ADAM12: variants seen among roughly 807,000 people sequenced by gnomAD.
ADAM12 encodes ADAM metallopeptidase domain 12, also known as disintegrin and metalloproteinase domain-containing protein 12.
Under a neutral mutation model 106.4 loss-of-function variants are expected in ADAM12, and 70 were observed. The observed-to-expected ratio is 0.66, with a 90% confidence interval of 0.54 to 0.80. The LOEUF (loss-of-function observed/expected upper bound fraction) is 0.80. ADAM12 is among the 30% of genes least tolerant of loss of function. The pLI is 0.00. For missense variants in ADAM12, 1,010 were observed against 1,171.9 expected (o/e 0.86, Z 2.02); for synonymous variants, 420 against 433.5 (o/e 0.97, Z 0.39).
In ADAM12 at chr10:126,049,988, G is replaced by GTGGCTGGC. The variant is rs60411537; in HGVS notation, c.1610-327_1610-320dup. ...AGATCTGATCCAGGGCAGAAAGGAG[G>GTGGCTGGC]TGGCTGGCTGGCTGGCTGGCTGGCT... On this transcript the variant is annotated intron_variant, in intron 14 of 22. Transcript: ENST00000448723. The surrounding 1 kb of genome is among the most constrained non-coding windows in gnomAD (Gnocchi z 4.4). Among the ~76,000 whole-genome samples the GTGGCTGGC allele has an allele frequency of 0.027, 4,020 of 149,902 alleles. 71 individuals carry two copies. The highest frequency in any genetic ancestry group is 0.045 in the Middle Eastern group (13 of 292).
At chr10:126,303,514 C>T (rs1225415273) in intron 2 of ADAM12, among the ~76,000 whole-genome samples, 1 of 152,178 alleles carries the variant, frequency 6.6e-6, no homozygotes, top group Non-Finnish European at 1.5e-5. Context: ...AGAAGATTCA[C>T]ACAGAGCATT....
chr10:126,219,670 T>C (rs534408213), intron 3 of ADAM12, among the ~76,000 whole-genome samples: 2 of 152,352 alleles, frequency 1.3e-5, no homozygotes, highest in East Asian at 3.9e-4. Flanking sequence ...AAGCCAACTT[T>C]TCTCACAAAG....
At chr10:126,323,017 TA>T (rs975591678) in intron 2 of ADAM12, among the ~76,000 whole-genome samples, 1 of 151,908 alleles carries the variant, frequency 6.6e-6, no homozygotes, top group Admixed American at 6.6e-5. Context: ...CCACAGAAGG[TA>T]AGAAACTGAG....
At chr10:126,238,187 A>C (rs1282966262) in intron 3 of ADAM12, among the ~76,000 whole-genome samples, 1 of 152,214 alleles carries the variant, frequency 6.6e-6, no homozygotes, top group Non-Finnish European at 1.5e-5. Context: ...TTGTATTTTA[A>C]ATTAAATCCT....
intron 4 of ADAM12, among the ~76,000 whole-genome samples, chr10:126,138,767 A>T (rs1590480809): frequency 1.3e-5 from 2 of 150,628 alleles, no homozygotes; most frequent in East Asian, 1.9e-4. Context: ...TTCTGGTACC[A>T]TGTCTAAGAA....
intron 1 of ADAM12, among the ~76,000 whole-genome samples, chr10:126,382,201 G>A (rs1021651247): frequency 6.6e-6 from 1 of 152,110 alleles, no homozygotes; most frequent in African/African-American, 2.4e-5. Context: ...TATGGGCCAA[G>A]GCCAATACAG....
At chr10:126,260,482 GAAA>G (rs1958979990) in intron 3 of ADAM12, among the ~76,000 whole-genome samples, 1 of 152,196 alleles carries the variant, frequency 6.6e-6, no homozygotes, top group Admixed American at 6.5e-5. Context: ...TTCTTATTTA[GAAA>G]AATTGGACTA....
chr10:126,032,068 A>G (rs1424672895), intron 21 of ADAM12, among the ~76,000 whole-genome samples: 1 of 152,220 alleles, frequency 6.6e-6, no homozygotes, highest in Non-Finnish European at 1.5e-5. Flanking sequence ...CAGAACATTT[A>G]TAGAAAATGA....
intron 3 of ADAM12, among the ~76,000 whole-genome samples, chr10:126,229,444 C>A (rs947478885): frequency 2.0e-4 from 25 of 126,436 alleles, no homozygotes; most frequent in African/African-American, 6.3e-4. Context: ...ATTGTAAGAG[C>A]CTTTTAAAAT....
intron 3 of ADAM12, among the ~76,000 whole-genome samples, chr10:126,264,612 G>A (rs1361591870): frequency 4.6e-5 from 7 of 152,132 alleles, no homozygotes; most frequent in Admixed American, 4.6e-4. Flanking sequence ...TTTTCTCGCG[G>A]GTCCCTGAAG....
chr10:126,146,185 G>T (rs569355330), intron 4 of ADAM12, among the ~76,000 whole-genome samples: 1 of 152,322 alleles, frequency 6.6e-6, no homozygotes, highest in South Asian at 2.1e-4. Flanking sequence ...GTGCTGTGGA[G>T]GTAGGAGTCA....
chr10:126,308,755 G>C (rs1217382324), intron 2 of ADAM12, among the ~76,000 whole-genome samples: 1 of 152,176 alleles, frequency 6.6e-6, no homozygotes, highest in African/African-American at 2.4e-5. Flanking sequence ...GAAGAAAACT[G>C]AACATCTCAT....
chr10:126,166,239 G>A (rs1324543448), intron 3 of ADAM12, among the ~76,000 whole-genome samples: 3 of 152,166 alleles, frequency 2.0e-5, no homozygotes, highest in Non-Finnish European at 2.9e-5. Context: ...ATCTGTTCAT[G>A]AGCGAAGAGT....
intron 1 of ADAM12, among the ~76,000 whole-genome samples, chr10:126,379,002 C>T (rs1249580909): frequency 6.6e-6 from 1 of 152,110 alleles, no homozygotes; most frequent in African/African-American, 2.4e-5. Flanking sequence ...ACCCTAAATC[C>T]TAATGCAGGC....
chr10:126,141,855 C>G (rs1252093419), intron 4 of ADAM12, among the ~76,000 whole-genome samples: 1 of 152,190 alleles, frequency 6.6e-6, no homozygotes, highest in African/African-American at 2.4e-5. Flanking sequence ...AGACTCCTTG[C>G]CCTATGCAAT....
chr10:126,154,702 T>C (rs1802518263), intron 4 of ADAM12, among the ~76,000 whole-genome samples: 1 of 152,148 alleles, frequency 6.6e-6, no homozygotes, highest in Non-Finnish European at 1.5e-5. Context: ...AGTGAGCATT[T>C]TGTCCAGGAC....
At chr10:126,155,148 C>T in intron 4 of ADAM12, 79 bp downstream of exon 4, 1 of 1,501,482 alleles carries the variant, frequency 6.7e-7, no homozygotes, top group South Asian at 1.2e-5. Context: ...TGTGATTTTG[C>T]TCCGAATAAA....
At chr10:126,343,788 A>C (rs919165953) in intron 1 of ADAM12, among the ~76,000 whole-genome samples, 2 of 152,198 alleles carry the variant, frequency 1.3e-5, no homozygotes, top group Non-Finnish European at 2.9e-5. Flanking sequence ...AGTGATGAGG[A>C]GCATTTTTTC....
intron 19 of ADAM12, 109 bp from the exon 20 acceptor site, chr10:126,038,458 G>T: frequency 1.2e-6 from 1 of 804,252 alleles, no homozygotes; most frequent in Non-Finnish European, 1.9e-6. Flanking sequence ...ACTTAACTCA[G>T]TGTGCTAAAC....
Sources: allele counts gnomAD v4.1 joint callset (sites outside exome capture counted in the v4.1 genomes callset), GRCh38; gene constraint gnomAD v4.1.1; non-coding constraint Gnocchi (gnomAD v3.1); transcripts MANE v1.5; gene names NCBI Gene and HGNC (gene_info 2026-07-23, HGNC 2026-07-21).